Variants in DIAPH2 observed in about 807,000 individuals in gnomAD.
DIAPH2 encodes the protein protein diaphanous homolog 2.
Under a neutral mutation model 92.7 loss-of-function variants are expected in DIAPH2, and 35 were observed. That is an observed-to-expected ratio of 0.38 (90% CI 0.29 to 0.50). The LOEUF (loss-of-function observed/expected upper bound fraction) is 0.50. Ranked by LOEUF, DIAPH2 falls within the 20% of genes least tolerant of loss-of-function variation. The pLI is 0.94. For missense variants in DIAPH2, 701 were observed against 819.5 expected, an observed-to-expected ratio of 0.86 and a Z score of 1.77; for synonymous variants, 301 against 280.4, an observed-to-expected ratio of 1.07 and a Z score of -0.73.
At chrX:96,902,782 A>T (rs923805013) in intron 5 of DIAPH2, among the ~76,000 whole-genome samples, 2 of 111,669 alleles carry the variant, frequency 1.8e-5, no homozygotes, top group Non-Finnish European at 3.8e-5. Flanking sequence ...ATTAGGAGGA[A>T]TGGATTTTAA....
rs754243085 is a variant in DIAPH2, at chrX:96,691,306, T to TATG, written c.132+6123_132+6125dup. 2.7e-3 allele frequency among the ~76,000 whole-genome samples: 306 copies of TATG among 111,553 alleles called. 2 individuals carry two copies. Among genetic ancestry groups the TATG allele is most frequent in the African/African-American group, 9.6e-3 (296 of 30,728 alleles). The stretch of plus-strand genomic sequence containing the variant: ...TTTTTCCCCTCAAGACAGGAGAAAC[T>TATG]ATGATGATGTCCAGGTAACTTAAAA... On this transcript the variant is annotated intron_variant, in intron 1 of 26. Transcript: ENST00000324765.
intron 24 of DIAPH2, among the ~76,000 whole-genome samples, chrX:97,350,167 G>A (rs1021966026): frequency 4.5e-5 from 5 of 110,080 alleles, no homozygotes; most frequent in African/African-American, 1.7e-4. Context: ...AAAATTAGCC[G>A]GTCGTGGTGG....
At chrX:97,371,188 G>C (rs2069445057) in intron 24 of DIAPH2, among the ~76,000 whole-genome samples, 1 of 111,142 alleles carries the variant, frequency 9.0e-6, no homozygotes, top group Non-Finnish European at 1.9e-5. Flanking sequence ...ATTAAATGTA[G>C]GCAAATTAGT....
intron 22 of DIAPH2, among the ~76,000 whole-genome samples, chrX:97,217,844 G>A (rs1433062744): frequency 2.7e-5 from 3 of 110,512 alleles, no homozygotes. Context: ...TACTCGGGAG[G>A]CTGAGGCAGA....
chrX:97,330,497 A>C (rs1028832752), intron 23 of DIAPH2, among the ~76,000 whole-genome samples: 10 of 109,832 alleles, frequency 9.1e-5, no homozygotes, highest in Non-Finnish European at 1.9e-4. Context: ...AACATATGAC[A>C]AGATGTGTTT....
chrX:97,182,059 G>A (rs1272932077), intron 22 of DIAPH2, among the ~76,000 whole-genome samples: 1 of 111,291 alleles, frequency 9.0e-6, no homozygotes, highest in African/African-American at 3.3e-5. Flanking sequence ...TGGGGGTTCA[G>A]TGAAGGTTAG....
At chrX:97,136,087 G>C (rs761815805) in intron 21 of DIAPH2, among the ~76,000 whole-genome samples, 37 of 112,112 alleles carry the variant, frequency 3.3e-4, no homozygotes, top group Non-Finnish European at 5.3e-4. Flanking sequence ...AGTGAACAAA[G>C]AAGACAAGAA....
chrX:97,391,377 T>G (rs2069657661), intron 25 of DIAPH2, among the ~76,000 whole-genome samples: 1 of 111,567 alleles, frequency 9.0e-6, no homozygotes, highest in African/African-American at 3.3e-5. Context: ...TTATATAACT[T>G]TAAATATGTC....
intron 10 of DIAPH2, among the ~76,000 whole-genome samples, chrX:96,934,690 T>C (rs1253326542): frequency 8.9e-6 from 1 of 111,892 alleles, no homozygotes; most frequent in African/African-American, 3.2e-5. Flanking sequence ...GAATTTCACG[T>C]CTGATAAATT....
At chrX:96,934,897 A>T (rs747442839) in intron 10 of DIAPH2, among the ~76,000 whole-genome samples, 1 of 111,758 alleles carries the variant, frequency 8.9e-6, no homozygotes, top group African/African-American at 3.2e-5. Flanking sequence ...TGGTGTTGGT[A>T]GGCAGTGGGC....
intron 4 of DIAPH2, among the ~76,000 whole-genome samples, chrX:96,759,404 T>A (rs1192665875): frequency 9.0e-6 from 1 of 111,677 alleles, no homozygotes; most frequent in Non-Finnish European, 1.9e-5. Flanking sequence ...AGCATGTTTT[T>A]AAATTTGCTT....
chrX:97,268,763 A>G (rs1602464504), intron 23 of DIAPH2, among the ~76,000 whole-genome samples: 1 of 111,331 alleles, frequency 9.0e-6, no homozygotes, highest in East Asian at 2.8e-4. Context: ...ATATTTCTCC[A>G]GTTAACACCA....
chrX:97,459,426 G>A (rs1026731032), intron 26 of DIAPH2, among the ~76,000 whole-genome samples: 5 of 112,130 alleles, frequency 4.5e-5, no homozygotes, highest in East Asian at 2.8e-4. Context: ...GATTTTCCTC[G>A]TGGGTGTTTT....
intron 1 of DIAPH2, among the ~76,000 whole-genome samples, chrX:96,700,260 C>T (rs748430615): frequency 7.1e-5 from 8 of 112,214 alleles, no homozygotes; most frequent in Non-Finnish European, 1.3e-4. Flanking sequence ...CCACCCGTCT[C>T]AGCCTCCCAA....
intron 26 of DIAPH2, among the ~76,000 whole-genome samples, chrX:97,509,356 T>C (rs35712818): frequency 0.43 from 46,613 of 107,227 alleles, 8,959 homozygotes; most frequent in Non-Finnish European, 0.58. Flanking sequence ...CCAAATTTAT[T>C]TAATATACGT....
chrX:96,728,056 A>AC (rs1569376549), intron 1 of DIAPH2, among the ~76,000 whole-genome samples: 98 of 44,701 alleles, frequency 2.2e-3, no homozygotes, highest in African/African-American at 0.014. Flanking sequence ...AAAAAAAAAA[A>AC]GAAAAAAAAA....
In DIAPH2 at chrX:97,247,802, C is replaced by T. The variant is rs200369524; in HGVS notation, c.2807C>T (p.Ala936Val). 274 of 1,206,705 alleles carry T rather than the reference C, an allele frequency of 2.3e-4. No homozygotes were observed. Among genetic ancestry groups the T allele is most frequent in the Non-Finnish European group, 5.8e-5 (52 of 893,197 alleles). The change falls in exon 23 of 27, where the codon GCA becomes GTA. Residue 936 changes from alanine (A) to valine (V), a missense_variant. By Grantham distance (64) the Ala-to-Val change is moderately conservative. This residue lies in a region of DIAPH2 where 536 missense variants were observed against 599.3 expected (regional missense o/e 0.89). Transcript: ENST00000324765. ...LERDIKKFPQAENQHDKFVEK... is the reference protein window; with the variant it reads ...LERDIKKFPQVENQHDKFVEK... The stretch of plus-strand genomic sequence containing the variant: ...CGTGACATCAAGAAATTCCCCCAAG[C>T]AGAAAATCAACACGATAAGTTTGTG...
At chrX:97,210,369 T>G (rs1341316982) in intron 22 of DIAPH2, among the ~76,000 whole-genome samples, 2 of 112,119 alleles carry the variant, frequency 1.8e-5, no homozygotes, top group Non-Finnish European at 3.8e-5. Flanking sequence ...TCTTAATTAG[T>G]ATAGCTTTTA....
At chrX:97,159,875 CCTT>C (rs1180342846) in intron 22 of DIAPH2, among the ~76,000 whole-genome samples, 1 of 111,366 alleles carries the variant, frequency 9.0e-6, no homozygotes, top group Non-Finnish European at 1.9e-5. Flanking sequence ...TGATGAATGT[CCTT>C]CTGATCTTTA....
Sources: gnomAD v4.1 joint callset for allele counts (sites outside exome capture counted in the v4.1 genomes callset) on GRCh38, gnomAD v4.1.1 for gene constraint, gnomAD v4.1.1 regional missense constraint, MANE v1.5 for transcripts, NCBI Gene and HGNC (gene_info 2026-07-23, HGNC 2026-07-21) for gene names.